Variants in CDK14 observed in about 807,000 individuals in gnomAD.
CDK14 encodes cyclin-dependent kinase 14.
Under a neutral mutation model 60.7 loss-of-function variants are expected in CDK14, and 34 were observed. That is an observed-to-expected ratio of 0.56 (90% CI 0.43 to 0.75). CDK14 has a LOEUF of 0.75. CDK14 is among the 30% of genes least tolerant of loss of function. The pLI, the probability that CDK14 is intolerant of heterozygous loss-of-function variation, is 0.00. For synonymous variants in CDK14, 197 were observed against 203.7 expected (o/e 0.97, Z 0.28); for missense variants, 482 against 564.1 (o/e 0.85, Z 1.47).
intron 10 of CDK14, among the ~76,000 whole-genome samples, chr7:91,041,487 T>C (rs1797089648): frequency 1.3e-5 from 2 of 152,206 alleles, no homozygotes; most frequent in African/African-American, 4.8e-5. Flanking sequence ...GCATTCTTGA[T>C]TTCAGCTAAT....
chr7:90,677,391 G>A (rs952593959), intron 2 of CDK14, among the ~76,000 whole-genome samples: 1 of 152,116 alleles, frequency 6.6e-6, no homozygotes, highest in South Asian at 2.1e-4. Flanking sequence ...CCAAACAAAG[G>A]TGCCTTAAAG....
chr7:90,622,027 G>T (rs1799781346), intron 2 of CDK14, among the ~76,000 whole-genome samples: 1 of 152,190 alleles, frequency 6.6e-6, no homozygotes, highest in Non-Finnish European at 1.5e-5. Flanking sequence ...ACATTTACTT[G>T]AATTGTGTAA....
At chr7:90,994,077 C>T (rs1264031484) in intron 10 of CDK14, among the ~76,000 whole-genome samples, 1 of 152,144 alleles carries the variant, frequency 6.6e-6, no homozygotes, top group Non-Finnish European at 1.5e-5. Flanking sequence ...ATGTAACCAC[C>T]TCAAAACCCC....
intron 2 of CDK14, among the ~76,000 whole-genome samples, chr7:90,649,597 C>G (rs1800581903): frequency 6.6e-6 from 1 of 151,312 alleles, no homozygotes; most frequent in African/African-American, 2.4e-5. Context: ...TCTCCTAATG[C>G]TCTCCCTCCC....
intron 8 of CDK14, among the ~76,000 whole-genome samples, chr7:90,919,169 G>C (rs994297825): frequency 3.9e-5 from 6 of 152,026 alleles, no homozygotes; most frequent in Admixed American, 3.9e-4. Context: ...AAATGAAAAA[G>C]GATTTATAAT....
chr7:91,091,129 C>T (rs927749082), intron 12 of CDK14, among the ~76,000 whole-genome samples: 1 of 151,270 alleles, frequency 6.6e-6, no homozygotes, highest in African/African-American at 2.4e-5. Context: ...GGTGTGGTGG[C>T]TTAAGCCTGT....
chr7:91,185,301 A>G (rs1041729014), intron 14 of CDK14, among the ~76,000 whole-genome samples: 1 of 131,356 alleles, frequency 7.6e-6, no homozygotes, highest in Non-Finnish European at 1.7e-5. Flanking sequence ...AGTTCTAACC[A>G]TCATGCCCTG....
chr7:91,072,893 T>C (rs1562892698), intron 11 of CDK14, among the ~76,000 whole-genome samples: 1 of 151,698 alleles, frequency 6.6e-6, no homozygotes, highest in Non-Finnish European at 1.5e-5. Flanking sequence ...AATAGCCAAA[T>C]TGATCAAGCA....
At chr7:90,728,085 A>G (rs1802706925) in intron 3 of CDK14, among the ~76,000 whole-genome samples, 1 of 152,020 alleles carries the variant, frequency 6.6e-6, no homozygotes, top group Non-Finnish European at 1.5e-5. Flanking sequence ...ACTTTTGAAT[A>G]CCTTGTTTTA....
At chr7:91,085,350 C>T (rs916716) in intron 12 of CDK14, among the ~76,000 whole-genome samples, 97,042 of 151,690 alleles carry the variant, frequency 0.64, 31,319 homozygotes, top group East Asian at 0.88. Context: ...ACCCGCTCAA[C>T]GCCTCCTGCA....
chr7:91,157,954 C>T (rs540205767), intron 14 of CDK14, among the ~76,000 whole-genome samples: 1 of 151,988 alleles, frequency 6.6e-6, no homozygotes, highest in Non-Finnish European at 1.5e-5. Context: ...TGGTCTGGCA[C>T]GTGCCATCTG....
chr7:91,025,457 A>G (rs929905614), intron 10 of CDK14, among the ~76,000 whole-genome samples: 3 of 152,208 alleles, frequency 2.0e-5, no homozygotes, highest in African/African-American at 7.2e-5. Flanking sequence ...AAGAACAGTG[A>G]GTTTTATGAC....
chr7:90,710,569 T>C, intron 2 of CDK14: 1 of 984,690 alleles, frequency 1.0e-6, no homozygotes, highest in South Asian at 4.7e-5. Flanking sequence ...GAGGTCAGTG[T>C]GCTGGTATTT....
intron 5 of CDK14, among the ~76,000 whole-genome samples, chr7:90,840,593 G>A (rs1162754152): frequency 1.3e-5 from 2 of 152,154 alleles, no homozygotes; most frequent in Non-Finnish European, 2.9e-5. Context: ...ACTGGTGGTT[G>A]GAGAATTGGA....
intron 9 of CDK14, among the ~76,000 whole-genome samples, chr7:90,962,610 C>T (rs1794633824): frequency 1.3e-5 from 2 of 152,002 alleles, no homozygotes; most frequent in Admixed American, 6.6e-5. Flanking sequence ...CATTTATTGG[C>T]AATAAATTAG....
chr7:91,114,505 G>C (rs527595270), intron 13 of CDK14, among the ~76,000 whole-genome samples: 1 of 152,238 alleles, frequency 6.6e-6, no homozygotes, highest in East Asian at 1.9e-4. Context: ...TACAGATTAA[G>C]AATTTTGGCT....
chr7:90,924,802 T>A (rs187524963), intron 8 of CDK14, among the ~76,000 whole-genome samples: 8 of 152,270 alleles, frequency 5.3e-5, no homozygotes, highest in Admixed American at 2.0e-4. Flanking sequence ...AGTTTCTTTT[T>A]TAAAAAACCT....
intron 4 of CDK14, among the ~76,000 whole-genome samples, chr7:90,756,758 A>G (rs1308305672): frequency 6.6e-6 from 1 of 152,172 alleles, no homozygotes. Context: ...ACTCCTCACC[A>G]TTCTCTCATA....
At chr7:90,852,618 C>T (rs182596260) in intron 5 of CDK14, among the ~76,000 whole-genome samples, 64 of 152,256 alleles carry the variant, frequency 4.2e-4, no homozygotes, top group Admixed American at 3.1e-3. Flanking sequence ...ATAAACACCC[C>T]GAACATTTGA....
Sources: gnomAD v4.1 joint callset for allele counts (sites outside exome capture counted in the v4.1 genomes callset) on GRCh38, gnomAD v4.1.1 for gene constraint, MANE v1.5 for transcripts, NCBI Gene and HGNC (gene_info 2026-07-23, HGNC 2026-07-21) for gene names.